Variants in SMIM8 observed in about 807,000 individuals in gnomAD.
SMIM8 encodes UPF0708 protein C6orf162.
A neutral mutation model predicts 8.1 loss-of-function variants in SMIM8; 8 were observed. That is an observed-to-expected ratio of 0.99 (90% CI 0.58 to 1.78). SMIM8 has a LOEUF of 1.78. Ranked by LOEUF, SMIM8 falls within the 40% of genes most tolerant of loss-of-function variation. The pLI is 0.00. For missense variants in SMIM8, 126 were observed against 119.8 expected, an observed-to-expected ratio of 1.05 and a Z score of -0.24; for synonymous variants, 45 against 39.7, an observed-to-expected ratio of 1.13 and a Z score of -0.50.
chr6:87,341,168 C>T lies in SMIM8; in HGVS notation c.*894C>T, dbSNP rs1777224986. The T allele has an allele frequency of 2.5e-6, 1 of 396,364 alleles. No individual in the cohort carries two copies. Among genetic ancestry groups the T allele is most frequent in the South Asian group, 1.3e-4 (1 of 7,612 alleles). The allele number at this position is 396,364 out of a possible 1,614,324, so 24.6% of individuals were successfully genotyped here. ...AATAGATAAGGTCTCCTTATTGTACCTTTTTTTTCTTTTGAAGTTTATATG... is the reference window on the plus strand; with the variant it reads ...AATAGATAAGGTCTCCTTATTGTACTTTTTTTTTCTTTTGAAGTTTATATG... On this transcript the variant is annotated 3_prime_UTR_variant, in exon 4 of 4. Transcript: ENST00000392863.
chr6:87,336,492 G>A (rs1260450772), intron 2 of SMIM8, among the ~76,000 whole-genome samples: 1 of 152,162 alleles, frequency 6.6e-6, no homozygotes, highest in Non-Finnish European at 1.5e-5. Flanking sequence ...TTGGGAAAAT[G>A]AGTTCGTGTG....
intron 1 of SMIM8, among the ~76,000 whole-genome samples, chr6:87,325,669 A>G (rs1329371222): frequency 1.3e-5 from 2 of 151,868 alleles, no homozygotes; most frequent in Admixed American, 6.6e-5. Context: ...TCCGTTTGCC[A>G]GTATTTTATT....
At chr6:87,339,446 G>T (rs992575749) in intron 3 of SMIM8, among the ~76,000 whole-genome samples, 2 of 148,514 alleles carry the variant, frequency 1.3e-5, no homozygotes, top group Non-Finnish European at 2.9e-5. Flanking sequence ...TTGTGTGTGT[G>T]TGTGTGTGTG....
intron 1 of SMIM8, among the ~76,000 whole-genome samples, chr6:87,324,968 C>T (rs1582084940): frequency 6.6e-6 from 1 of 151,958 alleles, no homozygotes; most frequent in East Asian, 1.9e-4. Context: ...TGTAGTTCTC[C>T]TTGAAGAGGT....
chr6:87,333,649 C>G (rs555865622), intron 2 of SMIM8, among the ~76,000 whole-genome samples: 3 of 152,210 alleles, frequency 2.0e-5, no homozygotes, highest in East Asian at 1.9e-4. Flanking sequence ...CACCACTACC[C>G]CAACATTGTT....
intron 1 of SMIM8, among the ~76,000 whole-genome samples, chr6:87,326,631 A>C (rs28873727): frequency 3.5e-5 from 5 of 142,720 alleles, no homozygotes; most frequent in Admixed American, 7.0e-5. Context: ...GGTCTGAGAG[A>C]TAGTTTGTTA....
rs1474929076 is a variant in SMIM8, at chr6:87,340,196, G to A, written c.216G>A (p.Glu72=). 5.6e-6 allele frequency: 9 copies of A among 1,610,828 alleles called. No individual in the cohort carries two copies. The highest frequency in any genetic ancestry group is 7.6e-6 in the Non-Finnish European group (9 of 1,178,998). ...AYIGYLHAIQ[E]NKKDLYEAID... ...TTGGTTATCTACATGCAATACAAGA[G>A]AATAAAAAGGACCTCTATGAAGCTA... Residue 72 remains glutamate (E), a synonymous_variant, in exon 4 of 4, where the codon GAG becomes GAA. Coordinates refer to ENST00000392863, the MANE Select transcript of SMIM8 (RefSeq NM_001042493.3).
intron 1 of SMIM8, among the ~76,000 whole-genome samples, chr6:87,323,839 G>A (rs1017060031): frequency 6.6e-6 from 1 of 152,058 alleles, no homozygotes; most frequent in African/African-American, 2.4e-5. Flanking sequence ...AGATCCCTGA[G>A]GAATCGCCAC....
In SMIM8 at chr6:87,341,637, A is replaced by G. The variant is rs1339289301; in HGVS notation, c.*1363A>G. On this transcript the variant is annotated 3_prime_UTR_variant, in exon 4 of 4. Coordinates refer to ENST00000392863, the MANE Select transcript of SMIM8 (RefSeq NM_001042493.3). Reference sequence around the variant, plus strand: ...ATCATAATGTTATTTTTAATTTGTCATACTTTATTATGGTTTTGTAAGGTA... The same window carrying G: ...ATCATAATGTTATTTTTAATTTGTCGTACTTTATTATGGTTTTGTAAGGTA... 9.5e-6 allele frequency: 2 copies of G among 210,174 alleles called. No individual in the cohort carries two copies. The highest frequency in any genetic ancestry group is 1.9e-5 in the Non-Finnish European group (2 of 107,030). 13.0% of individuals were successfully genotyped at this position (210,174 alleles called of 1,614,324 possible).
rs977543660 is a variant in SMIM8, at chr6:87,336,890, A to G, written c.-23-119A>G. The G allele has an allele frequency of 9.0e-6, 6 of 663,664 alleles. No homozygotes were observed. In the Admixed American group the frequency reaches 1.0e-4, roughly 12 times the overall value. The allele number at this position is 663,664 out of a possible 1,614,324, so 41.1% of individuals were successfully genotyped here. Reference sequence around the variant, plus strand: ...ATACAAAGTAATAAGATAACTGACAATCACATTTGGTATGTATCTGGGTTG... The same window carrying G: ...ATACAAAGTAATAAGATAACTGACAGTCACATTTGGTATGTATCTGGGTTG... On this transcript the variant is annotated intron_variant, in intron 2 of 3. Coordinates refer to ENST00000392863, the MANE Select transcript of SMIM8 (RefSeq NM_001042493.3).
chr6:87,323,692 G>T (rs1352275693), intron 1 of SMIM8, among the ~76,000 whole-genome samples: 1 of 152,088 alleles, frequency 6.6e-6, no homozygotes, highest in East Asian at 1.9e-4. Context: ...CATTTGGGTT[G>T]GTTCCAGGTC....
rs370258139 is a variant in SMIM8 at position 87,338,855 on chromosome 6, A to C, written c.136-1261A>C. 6.4e-4 allele frequency among the ~76,000 whole-genome samples: 97 copies of C among 152,092 alleles called. 4 individuals are homozygous for C. In the South Asian group the frequency reaches 0.018, roughly 29 times the overall value. On this transcript the variant is annotated intron_variant, in intron 3 of 3. Coordinates refer to ENST00000392863, the MANE Select transcript of SMIM8 (RefSeq NM_001042493.3). ...TACAGTTTCAGGAGTAACAAAGTTA[A>C]TAGACAAAATACTTTTCTGGAGTTG...
At chr6:87,328,396 G>A (rs1374360378) in intron 1 of SMIM8, among the ~76,000 whole-genome samples, 1 of 151,958 alleles carries the variant, frequency 6.6e-6, no homozygotes, top group East Asian at 1.9e-4. Context: ...TCTACTTTTT[G>A]TCTTTGTTGA....
intron 2 of SMIM8, among the ~76,000 whole-genome samples, chr6:87,336,160 C>A (rs1777110355): frequency 6.6e-6 from 1 of 152,116 alleles, no homozygotes; most frequent in Non-Finnish European, 1.5e-5. Context: ...ACTATATTGT[C>A]ATTTATGTCC....
chr6:87,342,327 A>G lies in SMIM8; in HGVS notation c.*2053A>G, dbSNP rs1288014941. ...AAATAAAATACCTTTCAAATAGTCC[A>G]AAGATTCTGAACATTGAACTTCACC... is the stretch of plus-strand genomic sequence containing the variant. On this transcript the variant is annotated 3_prime_UTR_variant, in exon 4 of 4. Transcript: ENST00000392863. 6.6e-6 allele frequency: 1 copy of G among 152,228 alleles called. No individual in the cohort carries two copies. Among genetic ancestry groups the G allele is most frequent in the Non-Finnish European group, 1.5e-5 (1 of 68,028 alleles). 9.4% of individuals were successfully genotyped at this position (152,228 alleles called of 1,614,324 possible).
chr6:87,337,228 A>G (rs1037462334), intron 3 of SMIM8, 62 bp downstream of exon 3: 14 of 1,478,638 alleles, frequency 9.5e-6, no homozygotes, highest in East Asian at 2.4e-5. Flanking sequence ...AGAAAGTTCT[A>G]ATTTTCTTGT....
chr6:87,329,293 TA>T (rs1479153568), intron 1 of SMIM8: 3 of 153,068 alleles, frequency 2.0e-5, no homozygotes, highest in African/African-American at 7.2e-5. Flanking sequence ...GTTTTGTTTT[TA>T]GACAGAGTTT....
At chr6:87,339,117 A>G (rs938426613) in intron 3 of SMIM8, among the ~76,000 whole-genome samples, 1 of 152,124 alleles carries the variant, frequency 6.6e-6, no homozygotes, top group Non-Finnish European at 1.5e-5. Flanking sequence ...CCAGCTGGCC[A>G]ACATGGTGAA....
At chr6:87,330,101 A>C (rs1429584919) in intron 1 of SMIM8, among the ~76,000 whole-genome samples, 1 of 152,200 alleles carries the variant, frequency 6.6e-6, no homozygotes, top group Admixed American at 6.5e-5. Context: ...ATTCTATCCC[A>C]AACTTGTTTA....
Sources: allele counts gnomAD v4.1 joint callset (sites outside exome capture counted in the v4.1 genomes callset), GRCh38; gene constraint gnomAD v4.1.1; transcripts MANE v1.5; gene names NCBI Gene and HGNC (gene_info 2026-07-23, HGNC 2026-07-21).